SLC23A2: variants seen among roughly 807,000 people sequenced by gnomAD.
SLC23A2 encodes Na(+)/L-ascorbic acid transporter 2.
SLC23A2 carries 36 observed loss-of-function variants against 73.3 expected under a neutral mutation model. The observed-to-expected ratio is 0.49, with a 90% confidence interval of 0.38 to 0.65. SLC23A2 has a LOEUF of 0.65. Ranked by LOEUF, SLC23A2 falls within the 30% of genes least tolerant of loss-of-function variation. SLC23A2 has a pLI of 0.00. For missense variants in SLC23A2, 507 were observed against 841.6 expected (o/e 0.60, Z 4.92); for synonymous variants, 343 against 327.3 (o/e 1.05, Z -0.52).
At position 4,919,242 on chromosome 20, in the gene SLC23A2, G is replaced by A. The variant is rs6052965; in HGVS notation, c.109-6264C>T. Among the ~76,000 whole-genome samples the A allele has an allele frequency of 3.9e-3, 600 of 152,286 alleles. 5 individuals carry two copies. Among genetic ancestry groups the A allele is most frequent in the African/African-American group, 0.013 (546 of 41,554 alleles). ...AGCGACCTTGAATCTGGCTGATGCC[G>A]CAAAGCCTCTAATTTTGCTTTCACT... On this transcript the variant is annotated intron_variant, in intron 3 of 16. Coordinates refer to ENST00000338244, the MANE Select transcript of SLC23A2 (RefSeq NM_005116.6).
At chr20:4,858,042 A>G (rs1929804773) in intron 16 of SLC23A2, among the ~76,000 whole-genome samples, 1 of 152,230 alleles carries the variant, frequency 6.6e-6, no homozygotes, top group Non-Finnish European at 1.5e-5. Flanking sequence ...CTGAGTTTGC[A>G]AAACAGGGCT....
At chr20:4,903,829 A>G (rs1600117160) in intron 4 of SLC23A2, among the ~76,000 whole-genome samples, 2 of 152,136 alleles carry the variant, frequency 1.3e-5, no homozygotes, top group African/African-American at 4.8e-5. Context: ...TTGTTGGGAG[A>G]AATGGTAGAA....
intron 3 of SLC23A2, among the ~76,000 whole-genome samples, chr20:4,927,284 T>G (rs906892614): frequency 2.0e-5 from 3 of 152,236 alleles, no homozygotes; most frequent in Non-Finnish European, 2.9e-5. Context: ...AGAGCTGCCA[T>G]GCTGGCTATT....
chr20:4,866,890 C>T lies in SLC23A2; in HGVS notation c.1356+880G>A, dbSNP rs569866656. On this transcript the variant is annotated intron_variant, in intron 13 of 16. Transcript: ENST00000338244. ...GGGAGACCTGTGAGACGTAGGCCAT[C>T]GAGGATGGTGAACCAATTTTCATGG... is the stretch of plus-strand genomic sequence containing the variant. Among the ~76,000 whole-genome samples the T allele has an allele frequency of 2.6e-5, 4 of 152,048 alleles. No homozygotes were observed. In the South Asian group the frequency reaches 6.2e-4, roughly 24 times the overall value.
At chr20:4,968,776 T>C (rs1001520559) in intron 2 of SLC23A2, among the ~76,000 whole-genome samples, 3 of 151,898 alleles carry the variant, frequency 2.0e-5, no homozygotes, top group African/African-American at 7.3e-5. Flanking sequence ...TGGAGCACGA[T>C]GGCATGATCT....
intron 6 of SLC23A2, among the ~76,000 whole-genome samples, chr20:4,890,067 T>A (rs763354292): frequency 6.6e-6 from 1 of 152,108 alleles, no homozygotes; most frequent in Non-Finnish European, 1.5e-5. Flanking sequence ...GGAAACACCA[T>A]GAAGATACAA....
Position 4,872,998 on chromosome 20 carries a change from C to T in SLC23A2, c.1102+938G>A, listed in dbSNP as rs1930507006. Among the ~76,000 whole-genome samples the T allele has an allele frequency of 6.6e-6, 1 of 152,216 alleles. No individual in the cohort carries two copies. Among genetic ancestry groups the T allele is most frequent in the Non-Finnish European group, 1.5e-5 (1 of 68,038 alleles). On this transcript the variant is annotated intron_variant, in intron 11 of 16. Coordinates refer to ENST00000338244, the MANE Select transcript of SLC23A2 (RefSeq NM_005116.6). The surrounding 1 kb of genome is among the most constrained non-coding windows in gnomAD (Gnocchi z 4.4). ...TGAACTCCTGACCTCGGGTGATCCT[C>T]CTGCCTCGGCCTCCCCAAAGTGCTG...
chr20:4,892,944 AGAT>A (rs1436941222), intron 6 of SLC23A2, among the ~76,000 whole-genome samples: 3 of 152,138 alleles, frequency 2.0e-5, no homozygotes, highest in Non-Finnish European at 4.4e-5. Flanking sequence ...ACTGCATATG[AGAT>A]GATGAAACAG....
rs1161943578 is a variant in SLC23A2, at chr20:4,883,452, A to G, written c.824+190T>C. On this transcript the variant is annotated intron_variant, in intron 9 of 16. Coordinates refer to ENST00000338244, the MANE Select transcript of SLC23A2 (RefSeq NM_005116.6). The surrounding 1 kb of genome is among the most constrained non-coding windows in gnomAD (Gnocchi z 4.5). ...TATTGCTGCTAAGTCTGTCTTTGTAATACGTCAACTATATGTCACTTCCCA... is the reference window on the plus strand; with the variant it reads ...TATTGCTGCTAAGTCTGTCTTTGTAGTACGTCAACTATATGTCACTTCCCA... Among the ~76,000 whole-genome samples, 1 of 152,346 alleles carries G rather than the reference A, an allele frequency of 6.6e-6. No homozygotes were observed. Among genetic ancestry groups the G allele is most frequent in the Middle Eastern group, 3.4e-3 (1 of 294 alleles).
At chr20:4,926,676 T>C (rs1249134995) in intron 3 of SLC23A2, among the ~76,000 whole-genome samples, 5 of 152,188 alleles carry the variant, frequency 3.3e-5, no homozygotes. Context: ...ATATCAACTC[T>C]GACCACATGA....
chr20:4,942,395 A>AAAAAAAAAAAATT (rs1322037631), intron 2 of SLC23A2, among the ~76,000 whole-genome samples: 1 of 151,146 alleles, frequency 6.6e-6, no homozygotes, highest in African/African-American at 2.4e-5. Flanking sequence ...AAAAAAAAAA[A>AAAAAAAAAAAATT]GTCGCCTGGA....
At chr20:4,878,999 T>C (rs1273020723) in intron 9 of SLC23A2, among the ~76,000 whole-genome samples, 4 of 152,254 alleles carry the variant, frequency 2.6e-5, no homozygotes, top group Non-Finnish European at 1.5e-5. Context: ...AGAATAACTT[T>C]AAATGATACC....
intron 15 of SLC23A2, 47 bp from the exon 16 acceptor site, chr20:4,859,431 G>A (rs775648071): frequency 2.3e-6 from 3 of 1,290,836 alleles, no homozygotes; most frequent in Admixed American, 1.7e-5. Flanking sequence ...CAGCAGCGGT[G>A]AGCCTGCCCT....
intron 1 of SLC23A2, among the ~76,000 whole-genome samples, chr20:5,007,438 G>C (rs981740330): frequency 2.6e-5 from 4 of 152,096 alleles, no homozygotes; most frequent in African/African-American, 9.7e-5. Flanking sequence ...GGCTGAGGCA[G>C]GAAAATCACT....
At chr20:4,987,638 G>A (rs2087853038) in intron 1 of SLC23A2, among the ~76,000 whole-genome samples, 1 of 151,952 alleles carries the variant, frequency 6.6e-6, no homozygotes, top group African/African-American at 2.4e-5. Flanking sequence ...CACGAGGTCA[G>A]GAGATTGAGA....
At chr20:5,003,289 C>T (rs1337221831), upstream of SLC23A2, among the ~76,000 whole-genome samples, 1 of 152,096 alleles carries the variant, frequency 6.6e-6, no homozygotes, top group Non-Finnish European at 1.5e-5. Flanking sequence ...GAGGCTGAGG[C>T]AGGAGAATGG....
At chr20:4,921,968 A>G (rs999736305) in intron 3 of SLC23A2, among the ~76,000 whole-genome samples, 2 of 152,234 alleles carry the variant, frequency 1.3e-5, no homozygotes, top group African/African-American at 4.8e-5. Context: ...GGGGAATGTG[A>G]CAACTGAGTG....
chr20:4,900,247 G>A lies in SLC23A2; in HGVS notation c.325-535C>T, dbSNP rs531299180. Among the ~76,000 whole-genome samples the A allele has an allele frequency of 2.6e-5, 4 of 152,304 alleles. No individual in the cohort carries two copies. The East Asian group carries it at 7.7e-4, about 29-fold the overall frequency. ...TTACTTATTACTTGGATGAATCCATGCCTCACAAAGGAAACAGTCAATATC... is the reference window on the plus strand; with the variant it reads ...TTACTTATTACTTGGATGAATCCATACCTCACAAAGGAAACAGTCAATATC... On this transcript the variant is annotated intron_variant, in intron 5 of 16. Transcript: ENST00000338244.
chr20:4,993,790 T>C (rs1358757890), intron 1 of SLC23A2, among the ~76,000 whole-genome samples: 2 of 152,116 alleles, frequency 1.3e-5, no homozygotes, highest in African/African-American at 4.8e-5. Context: ...ATAAGAAATA[T>C]ATGAACTTGG....
Sources: gnomAD v4.1 joint callset for allele counts (sites outside exome capture counted in the v4.1 genomes callset) on GRCh38, gnomAD v4.1.1 for gene constraint, Gnocchi (gnomAD v3.1) non-coding constraint, MANE v1.5 for transcripts, NCBI Gene and HGNC (gene_info 2026-07-23, HGNC 2026-07-21) for gene names.